Variants in RBFOX3 observed in about 807,000 individuals in gnomAD.
RBFOX3 encodes the protein RNA binding protein fox-1 homolog 3.
RBFOX3 carries 17 observed loss-of-function variants against 48.7 expected under a neutral mutation model. The ratio of observed to expected loss-of-function variants is 0.35; its 90% CI spans 0.24 to 0.52. The LOEUF is 0.52. Ranked by LOEUF, RBFOX3 falls within the 20% of genes least tolerant of loss-of-function variation. RBFOX3 has a pLI of 0.94. For missense variants in RBFOX3, 382 were observed against 497.5 expected (o/e 0.77, Z 2.21); for synonymous variants, 212 against 209.5 (o/e 1.01, Z -0.10).
At chr17:79,398,339 G>T (rs548421933) in intron 2 of RBFOX3, among the ~76,000 whole-genome samples, 1 of 152,316 alleles carries the variant, frequency 6.6e-6, no homozygotes, top group East Asian at 1.9e-4. Context: ...TTTCAGAAAA[G>T]TGGGAAAGGG....
chr17:79,211,341 C>T (rs979921458), intron 4 of RBFOX3, among the ~76,000 whole-genome samples: 2 of 152,220 alleles, frequency 1.3e-5, no homozygotes, highest in African/African-American at 4.8e-5. Context: ...CACCTCCTGC[C>T]CGCTCAGCCT....
chr17:79,345,913 G>C (rs1460204482), intron 2 of RBFOX3, among the ~76,000 whole-genome samples: 1 of 151,834 alleles, frequency 6.6e-6, no homozygotes, highest in African/African-American at 2.4e-5. Flanking sequence ...TATGAGATTT[G>C]TTTTTTGTTT....
At chr17:79,510,054 C>G (rs933923553) in intron 1 of RBFOX3, among the ~76,000 whole-genome samples, 17,571 of 152,240 alleles carry the variant, frequency 0.12, 1,541 homozygotes, top group East Asian at 0.52. Context: ...AGCATTACCT[C>G]TGGTCCTCAA....
intron 4 of RBFOX3, among the ~76,000 whole-genome samples, chr17:79,149,308 C>T (rs531913025): frequency 1.3e-5 from 2 of 152,278 alleles, no homozygotes; most frequent in South Asian, 4.1e-4. Flanking sequence ...TGGCCCGGTG[C>T]AGCCACGGGG....
chr17:79,103,186 C>T lies in RBFOX3; in HGVS notation c.483G>A (p.Thr161=), dbSNP rs770313001. 25 of 1,551,374 alleles carry T rather than the reference C, an allele frequency of 1.6e-5. No individual in the cohort carries two copies. The highest frequency in any genetic ancestry group is 2.0e-5 in the Non-Finnish European group (23 of 1,146,880). The change falls in exon 8 of 15, where the codon ACG becomes ACA. Residue 161 remains threonine (T), a synonymous_variant. Coordinates refer to ENST00000693108, the MANE Select transcript of RBFOX3 (RefSeq NM_001350451.2). This position sits in a 1 kb window ranked among gnomAD's most constrained non-coding sequence, Gnocchi z 6.1. ...ADRAREKLNG[T]IVEGRKIEVN... ...CCTCAATTTTCCGTCCCTCTACGAT[C>T]GTCCCATTCAGCTTCTCCCGGGCTC... is the stretch of plus-strand genomic sequence containing the variant.
chr17:79,324,643 T>A (rs911533048), intron 2 of RBFOX3, among the ~76,000 whole-genome samples: 3 of 152,138 alleles, frequency 2.0e-5, no homozygotes, highest in African/African-American at 7.2e-5. Flanking sequence ...CCGGCCCCAT[T>A]TGGAGTTCAG....
chr17:79,406,081 T>C (rs532871858), intron 2 of RBFOX3, among the ~76,000 whole-genome samples: 1 of 152,228 alleles, frequency 6.6e-6, no homozygotes, highest in South Asian at 2.1e-4. Flanking sequence ...TATTTATCCA[T>C]CTCTCTGCTG....
At chr17:79,357,014 C>G (rs939531535) in intron 2 of RBFOX3, among the ~76,000 whole-genome samples, 2 of 152,170 alleles carry the variant, frequency 1.3e-5, no homozygotes, top group African/African-American at 4.8e-5. Flanking sequence ...GCACTCACAA[C>G]AGAGACTCGG....
chr17:79,119,003 T>G (rs140649572), intron 4 of RBFOX3, among the ~76,000 whole-genome samples: 16,025 of 135,254 alleles, frequency 0.12, 1,025 homozygotes, highest in South Asian at 0.21. Flanking sequence ...ATAAAGAAAA[T>G]AAAATAAAAA....
At chr17:79,549,034 T>A (rs915942374) in intron 1 of RBFOX3, among the ~76,000 whole-genome samples, 1 of 152,224 alleles carries the variant, frequency 6.6e-6, no homozygotes, top group African/African-American at 2.4e-5. Flanking sequence ...AGTTTGCAGA[T>A]GAAGAAACTG....
intron 12 of RBFOX3, among the ~76,000 whole-genome samples, 199 bp from the exon 13 acceptor site, chr17:79,095,773 C>G (rs765311969): frequency 1.3e-5 from 2 of 152,178 alleles, no homozygotes; most frequent in African/African-American, 2.4e-5. Context: ...AACACAGGAC[C>G]GAGGACTGCA....
At chr17:79,223,378 A>G (rs2059953320) in intron 4 of RBFOX3, among the ~76,000 whole-genome samples, 1 of 152,092 alleles carries the variant, frequency 6.6e-6, no homozygotes, top group South Asian at 2.1e-4. Context: ...CACCCCCCTC[A>G]CAAACAGCTG....
the RBFOX3 span, among the ~76,000 whole-genome samples, chr17:79,639,975 T>C: frequency 6.6e-6 from 1 of 152,164 alleles, no homozygotes; most frequent in Non-Finnish European, 1.5e-5. Context: ...TTCTAGCCAG[T>C]GCTATTAGAC....
intron 9 of RBFOX3, among the ~76,000 whole-genome samples, chr17:79,101,128 A>C (rs1049831464): frequency 7.9e-5 from 12 of 152,166 alleles, no homozygotes; most frequent in African/African-American, 2.9e-4. Context: ...TGGAACTCAG[A>C]GAGGTCTAGA....
chr17:79,239,049 A>G (rs576754977), intron 3 of RBFOX3, among the ~76,000 whole-genome samples: 1 of 152,296 alleles, frequency 6.6e-6, no homozygotes, highest in Admixed American at 6.5e-5. Context: ...ATGGAAAGGA[A>G]GGTGGTCTCT....
intron 2 of RBFOX3, among the ~76,000 whole-genome samples, chr17:79,444,481 T>C (rs181153057): frequency 6.6e-5 from 10 of 152,178 alleles, no homozygotes; most frequent in Admixed American, 6.5e-4. Flanking sequence ...AAAGCCCACA[T>C]AGGCCGGTGC....
chr17:79,313,849 A>G (rs1308128044), intron 2 of RBFOX3, among the ~76,000 whole-genome samples: 1 of 152,150 alleles, frequency 6.6e-6, no homozygotes, highest in African/African-American at 2.4e-5. Flanking sequence ...ACAAGACAAG[A>G]GGCTCCCCTG....
intron 3 of RBFOX3, among the ~76,000 whole-genome samples, chr17:79,275,529 C>T (rs1993681): frequency 2.0e-5 from 3 of 151,986 alleles, no homozygotes; most frequent in East Asian, 1.9e-4. Context: ...GGGTGCAGAC[C>T]GCACGCTCAC....
In RBFOX3 at chr17:79,323,641, G is replaced by A. The variant is rs112436566; in HGVS notation, c.-174-15817C>T. Among the ~76,000 whole-genome samples the A allele has an allele frequency of 7.0e-4, 107 of 152,264 alleles. 1 individual carries two copies. Among genetic ancestry groups the A allele is most frequent in the African/African-American group, 2.4e-3 (100 of 41,558 alleles). ...CCAAGCCTCCCTGCAGCGGGGGCTC[G>A]GTCCTGACCTTTGTCCTGTTTGATG... On this transcript the variant is annotated intron_variant, in intron 2 of 14. Coordinates refer to ENST00000693108, the MANE Select transcript of RBFOX3 (RefSeq NM_001350451.2).
Sources: gnomAD v4.1 joint callset for allele counts (sites outside exome capture counted in the v4.1 genomes callset) on GRCh38, gnomAD v4.1.1 for gene constraint, Gnocchi (gnomAD v3.1) non-coding constraint, MANE v1.5 for transcripts, NCBI Gene and HGNC (gene_info 2026-07-23, HGNC 2026-07-21) for gene names.